Variants in CACNB4 observed in about 807,000 individuals in gnomAD.
CACNB4 encodes voltage-dependent L-type calcium channel subunit beta-4.
CACNB4 carries 32 observed loss-of-function variants against 71.2 expected under a neutral mutation model. That is an observed-to-expected ratio of 0.45 (90% CI 0.34 to 0.60). CACNB4 has a LOEUF of 0.60. Ranked by LOEUF, CACNB4 falls within the 20% of genes least tolerant of loss-of-function variation. CACNB4 has a pLI of 0.01. For synonymous variants in CACNB4, 231 were observed against 236.9 expected (o/e 0.97, Z 0.23); for missense variants, 464 against 647.9 (o/e 0.72, Z 3.08).
chr2:151,856,362 G>C (rs2099840319), intron 10 of CACNB4, among the ~76,000 whole-genome samples: 1 of 152,088 alleles, frequency 6.6e-6, no homozygotes, highest in Non-Finnish European at 1.5e-5. Flanking sequence ...GGAGTGCAGT[G>C]GCATGATCTT....
chr2:152,029,287 G>A (rs1684136157), intron 2 of CACNB4, among the ~76,000 whole-genome samples: 1 of 151,984 alleles, frequency 6.6e-6, no homozygotes, highest in African/African-American at 2.4e-5. Flanking sequence ...GAGGTCAGGA[G>A]TTCGAGACCA....
intron 13 of CACNB4, 87 bp downstream of exon 13, chr2:151,841,816 G>A: frequency 9.2e-7 from 1 of 1,083,522 alleles, no homozygotes; most frequent in Non-Finnish European, 1.4e-6. Flanking sequence ...TTCAGATTAA[G>A]GATGACTCCA....
At chr2:151,842,149 A>G (rs2099836383) in intron 12 of CACNB4, 61 bp from the exon 13 acceptor site, 1 of 1,390,590 alleles carries the variant, frequency 7.2e-7, no homozygotes, top group African/African-American at 1.4e-5. Flanking sequence ...TGAAACCTAA[A>G]ATTCCACTTA....
At chr2:151,842,372 C>A (rs1355087131) in intron 12 of CACNB4, among the ~76,000 whole-genome samples, 1 of 139,708 alleles carries the variant, frequency 7.2e-6, no homozygotes, top group African/African-American at 2.7e-5. Context: ...ATTCTGTTGC[C>A]CAGGCTGAAA....
At chr2:152,066,293 C>A (rs1686318115) in intron 2 of CACNB4, among the ~76,000 whole-genome samples, 1 of 152,076 alleles carries the variant, frequency 6.6e-6, no homozygotes, top group South Asian at 2.1e-4. Flanking sequence ...CATTTGCAAC[C>A]CAGAAGAAAA....
intron 2 of CACNB4, among the ~76,000 whole-genome samples, chr2:151,915,874 G>A (rs1448844236): frequency 6.7e-6 from 1 of 150,020 alleles, no homozygotes; most frequent in African/African-American, 2.4e-5. Flanking sequence ...AAAAAAGAAT[G>A]TGCACATTCT....
intron 2 of CACNB4, among the ~76,000 whole-genome samples, chr2:151,926,734 T>G (rs537255597): frequency 2.2e-4 from 34 of 152,240 alleles, no homozygotes; most frequent in Non-Finnish European, 3.5e-4. Context: ...TGCTCATTAC[T>G]ATTTCAAATT....
At chr2:151,956,268 A>C (rs765275567) in intron 2 of CACNB4, among the ~76,000 whole-genome samples, 2 of 152,260 alleles carry the variant, frequency 1.3e-5, no homozygotes, top group African/African-American at 2.4e-5. Context: ...AGCATTATTC[A>C]TAACAGCCAC....
Position 151,841,950 on chromosome 2 carries a change from C to T in CACNB4, c.1255G>A (p.Gly419Ser). The change falls in exon 13 of 14, where the codon GGC becomes AGC. Residue 419 changes from glycine to serine, a missense_variant. Physicochemically the swap from Gly to Ser is moderately conservative, Grantham distance 56. Transcript: ENST00000539935. ...PMTPLLGRNLGSTALSPYPTA... is the reference protein window; with the variant it reads ...PMTPLLGRNLSSTALSPYPTA... Reference sequence around the variant, plus strand: ...GGATATGGTGAGAGTGCCGTGGAGCCCAAATTCCTTCCCAGCAGCGGGGTC... The same window carrying T: ...GGATATGGTGAGAGTGCCGTGGAGCTCAAATTCCTTCCCAGCAGCGGGGTC... 6.2e-7 allele frequency: 1 copy of T among 1,613,776 alleles called. No homozygotes were observed. Among genetic ancestry groups the T allele is most frequent in the Non-Finnish European group, 8.5e-7 (1 of 1,179,856 alleles).
At chr2:151,960,765 T>C (rs943990156) in intron 2 of CACNB4, among the ~76,000 whole-genome samples, 2 of 152,220 alleles carry the variant, frequency 1.3e-5, no homozygotes, top group African/African-American at 2.4e-5. Context: ...GTCTTAGCAA[T>C]GGAAAGTAAG....
At chr2:151,854,513 G>A (rs2099839780) in intron 11 of CACNB4, 1 of 152,166 alleles carries the variant, frequency 6.6e-6, no homozygotes, top group South Asian at 2.1e-4. Context: ...TACACTAGGA[G>A]GCACAGAGAA....
At chr2:151,852,889 C>G (rs1038690819) in intron 12 of CACNB4, 2 of 152,198 alleles carry the variant, frequency 1.3e-5, no homozygotes, top group African/African-American at 4.8e-5. Context: ...CATCTCCCAC[C>G]CCATCCCACC....
At chr2:151,924,767 C>T (rs1472618779) in intron 2 of CACNB4, among the ~76,000 whole-genome samples, 1 of 152,100 alleles carries the variant, frequency 6.6e-6, no homozygotes, top group East Asian at 1.9e-4. Context: ...GGCATTTTTT[C>T]AACACAGGGT....
intron 2 of CACNB4, among the ~76,000 whole-genome samples, chr2:152,009,561 T>C (rs1326383378): frequency 6.6e-6 from 1 of 152,134 alleles, no homozygotes; most frequent in Non-Finnish European, 1.5e-5. Context: ...TCACAGTTGG[T>C]TGTATATCTA....
chr2:151,924,655 C>CT (rs2099859802), intron 2 of CACNB4, among the ~76,000 whole-genome samples: 1 of 151,988 alleles, frequency 6.6e-6, no homozygotes, highest in Non-Finnish European at 1.5e-5. Context: ...CCCTAAGAAG[C>CT]ATTCTCAATC....
At chr2:151,910,170 A>G (rs2099855830) in intron 2 of CACNB4, among the ~76,000 whole-genome samples, 1 of 152,170 alleles carries the variant, frequency 6.6e-6, no homozygotes, top group Non-Finnish European at 1.5e-5. Context: ...TGTTGGCCGC[A>G]TAAATGTCCT....
chr2:151,940,321 T>C (rs2099863930), intron 2 of CACNB4, among the ~76,000 whole-genome samples: 1 of 152,142 alleles, frequency 6.6e-6, no homozygotes. Flanking sequence ...AAGAGGAACC[T>C]CTGAACTTCA....
intron 2 of CACNB4, among the ~76,000 whole-genome samples, chr2:151,914,867 C>T (rs1470885384): frequency 1.3e-5 from 2 of 152,148 alleles, no homozygotes; most frequent in Non-Finnish European, 2.9e-5. Flanking sequence ...CTTCTGGGAC[C>T]TCTGACCTCA....
rs749656794 is a variant in CACNB4 at position 152,098,482 on chromosome 2, C to A, written c.64-69G>T. 8.9e-6 allele frequency: 13 copies of A among 1,460,328 alleles called. No homozygotes were observed. The South Asian group carries it at 1.5e-4, about 17-fold the overall frequency. 90.5% of individuals were successfully genotyped at this position (1,460,328 alleles called of 1,614,324 possible). On this transcript the variant is annotated intron_variant, in intron 1 of 13. Transcript: ENST00000539935. This position sits in a 1 kb window ranked among gnomAD's most constrained non-coding sequence, Gnocchi z 5.3. Reference sequence around the variant, plus strand: ...GCAGCGCAGAGCGGGGCGACCACCCCCGGCTGGAGTCCGCCTCCGGACCCG... The same window carrying A: ...GCAGCGCAGAGCGGGGCGACCACCCACGGCTGGAGTCCGCCTCCGGACCCG...
Sources: allele counts gnomAD v4.1 joint callset (sites outside exome capture counted in the v4.1 genomes callset), GRCh38; gene constraint gnomAD v4.1.1; non-coding constraint Gnocchi (gnomAD v3.1); transcripts MANE v1.5; gene names NCBI Gene and HGNC (gene_info 2026-07-23, HGNC 2026-07-21).